Variants in NUMB observed in about 807,000 individuals in gnomAD.
The protein encoded by NUMB is protein numb homolog.
Under a neutral mutation model 59.7 loss-of-function variants are expected in NUMB, and 29 were observed. The observed-to-expected ratio is 0.49, with a 90% CI of 0.36 to 0.66. The LOEUF is 0.66. NUMB is among the 30% of genes least tolerant of loss of function. NUMB has a pLI of 0.00. For synonymous variants in NUMB, 288 were observed against 288.2 expected, an observed-to-expected ratio of 1.00 and a Z score of 0.01; for missense variants, 723 against 822.0, an observed-to-expected ratio of 0.88 and a Z score of 1.47.
At chr14:73,365,998 A>C (rs185693975) in intron 3 of NUMB, among the ~76,000 whole-genome samples, 227 of 152,332 alleles carry the variant, frequency 1.5e-3, no homozygotes, top group African/African-American at 5.3e-3. Context: ...CGCTGCCAAC[A>C]TTTTATGTAA....
intron 6 of NUMB, among the ~76,000 whole-genome samples, chr14:73,303,849 T>C (rs1184521442): frequency 6.6e-6 from 1 of 152,200 alleles, no homozygotes; most frequent in African/African-American, 2.4e-5. Flanking sequence ...GGAATTTAAA[T>C]TGGTGAAATC....
chr14:73,452,215 C>T (rs1330994690), intron 1 of NUMB, among the ~76,000 whole-genome samples: 2 of 152,222 alleles, frequency 1.3e-5, no homozygotes, highest in South Asian at 4.1e-4. Flanking sequence ...CAAAAATTAG[C>T]GGGGTGTGGT....
chr14:73,313,114 G>A (rs1451653505), intron 6 of NUMB, among the ~76,000 whole-genome samples: 3 of 151,816 alleles, frequency 2.0e-5, no homozygotes, highest in Non-Finnish European at 4.4e-5. Context: ...AGCCTCCTGA[G>A]TAGCTGGGAC....
chr14:73,415,921 C>G (rs1237997837), intron 1 of NUMB, among the ~76,000 whole-genome samples: 1 of 151,826 alleles, frequency 6.6e-6, no homozygotes, highest in Non-Finnish European at 1.5e-5. Flanking sequence ...ATTTCTAAAA[C>G]AGTACTACAA....
rs564593856 is a variant in NUMB, at chr14:73,316,881, A to T, written c.202-459T>A. Among the ~76,000 whole-genome samples, 13 of 152,340 alleles carry T rather than the reference A, an allele frequency of 8.5e-5. No individual in the cohort carries two copies. The South Asian group carries it at 2.1e-3, about 24-fold the overall frequency. Reference sequence around the variant, plus strand: ...CAACTATGTGAAAGTCACCAATTTTAAAAAAGTCCACATTCAAATGACCAC... The same window carrying T: ...CAACTATGTGAAAGTCACCAATTTTTAAAAAGTCCACATTCAAATGACCAC... On this transcript the variant is annotated intron_variant, in intron 5 of 12. Coordinates refer to ENST00000555238, the MANE Select transcript of NUMB (RefSeq NM_001005743.2).
At chr14:73,398,415 A>AGTGTGTGT (rs57407662) in intron 2 of NUMB, among the ~76,000 whole-genome samples, 37 of 118,876 alleles carry the variant, frequency 3.1e-4, no homozygotes, top group East Asian at 3.0e-3. Flanking sequence ...AGAGAGAGAG[A>AGTGTGTGT]GTGTGTGTGT....
At chr14:73,365,983 T>C (rs1351709638) in intron 3 of NUMB, among the ~76,000 whole-genome samples, 2 of 152,230 alleles carry the variant, frequency 1.3e-5, no homozygotes, top group African/African-American at 4.8e-5. Context: ...CTGCAAGTGA[T>C]AAAACGCTGC....
At chr14:73,431,046 C>A (rs1192992500) in intron 1 of NUMB, among the ~76,000 whole-genome samples, 2 of 152,014 alleles carry the variant, frequency 1.3e-5, no homozygotes, top group African/African-American at 4.8e-5. Flanking sequence ...GCAACCTCTG[C>A]CTCCAGGCTC....
chr14:73,309,233 A>C (rs1237951521), intron 6 of NUMB, among the ~76,000 whole-genome samples: 1 of 152,180 alleles, frequency 6.6e-6, no homozygotes, highest in Non-Finnish European at 1.5e-5. Flanking sequence ...CAATACCCAA[A>C]AGAATATAAA....
At chr14:73,449,211 CAAAGTATA>C (rs1467099568) in intron 1 of NUMB, among the ~76,000 whole-genome samples, 2 of 152,014 alleles carry the variant, frequency 1.3e-5, no homozygotes, top group East Asian at 3.8e-4. Context: ...AGAAATAATT[CAAAGTATA>C]CGGGAGAATG....
At chr14:73,368,403 C>T (rs1894487810) in intron 2 of NUMB, among the ~76,000 whole-genome samples, 1 of 152,052 alleles carries the variant, frequency 6.6e-6, no homozygotes, top group Admixed American at 6.6e-5. Flanking sequence ...CACAGCGAAA[C>T]CTTGTCTCTA....
intron 2 of NUMB, chr14:73,409,259 C>T (rs982249553): frequency 6.6e-6 from 1 of 152,206 alleles, no homozygotes; most frequent in Non-Finnish European, 1.5e-5. Context: ...CAAAGTAACA[C>T]TATGTGACTT....
In NUMB at chr14:73,277,721, C is replaced by G. The variant is rs1888274795; in HGVS notation, c.1241-428G>C. On this transcript the variant is annotated intron_variant, in intron 12 of 12. Transcript: ENST00000555238. ...AGGCTGCAGTGAGCTATGACTGTGC[C>G]ACTGCACTCTGGCCTGGGCAACACA... 2.0e-5 allele frequency among the ~76,000 whole-genome samples: 3 copies of G among 151,228 alleles called. 1 individual carries two copies. In the South Asian group the frequency reaches 6.3e-4, roughly 32 times the overall value.
At chr14:73,377,512 T>C (rs563861530) in intron 2 of NUMB, among the ~76,000 whole-genome samples, 1 of 151,942 alleles carries the variant, frequency 6.6e-6, no homozygotes, top group African/African-American at 2.4e-5. Flanking sequence ...TGGTAGTACA[T>C]GCTTGTAATC....
rs1456006870 is a variant in NUMB, at chr14:73,276,359, T to G, written c.*219A>C. ...GTACAGAAAGCAACATTTCCTTGACTTCTTTAGCCTAATTGCAAGGCAGCT... is the reference window on the plus strand; with the variant it reads ...GTACAGAAAGCAACATTTCCTTGACGTCTTTAGCCTAATTGCAAGGCAGCT... On this transcript the variant is annotated 3_prime_UTR_variant, in exon 13 of 13. Transcript: ENST00000555238. 2 of 498,004 alleles carry G rather than the reference T, an allele frequency of 4.0e-6. No individual in the cohort carries two copies. The highest frequency in any genetic ancestry group is 7.1e-6 in the Non-Finnish European group (2 of 281,512). 30.8% of individuals were successfully genotyped at this position (498,004 alleles called of 1,614,324 possible).
intron 5 of NUMB, among the ~76,000 whole-genome samples, chr14:73,317,119 T>C (rs1369250720): frequency 1.3e-5 from 2 of 152,190 alleles, no homozygotes; most frequent in African/African-American, 4.8e-5. Flanking sequence ...GGAAATAACA[T>C]GTATGTTTTA....
At chr14:73,402,923 TCAAA>T (rs1312503059) in intron 2 of NUMB, among the ~76,000 whole-genome samples, 6 of 152,218 alleles carry the variant, frequency 3.9e-5, no homozygotes, top group African/African-American at 1.2e-4. Flanking sequence ...CACATTGAAG[TCAAA>T]CAAACACAAT....
intron 4 of NUMB, among the ~76,000 whole-genome samples, 179 bp downstream of exon 4, chr14:73,355,443 AATCT>A (rs1231442248): frequency 3.9e-5 from 6 of 152,304 alleles, no homozygotes; most frequent in South Asian, 2.1e-4. Flanking sequence ...CCCTAATTAA[AATCT>A]ATCTGTTTTC....
At chr14:73,364,691 G>A (rs1004203358) in intron 3 of NUMB, among the ~76,000 whole-genome samples, 12 of 151,968 alleles carry the variant, frequency 7.9e-5, no homozygotes, top group African/African-American at 2.4e-4. Context: ...GCAGTGGCAC[G>A]ATCATGACTC....
Sources: gnomAD v4.1 joint callset for allele counts (sites outside exome capture counted in the v4.1 genomes callset) on GRCh38, gnomAD v4.1.1 for gene constraint, MANE v1.5 for transcripts, NCBI Gene and HGNC (gene_info 2026-07-23, HGNC 2026-07-21) for gene names.